BICC1: variants seen among roughly 807,000 people sequenced by gnomAD.
The protein encoded by BICC1 is protein bicaudal C homolog 1.
Under a neutral mutation model 111.0 loss-of-function variants are expected in BICC1, and 43 were observed. That is an observed-to-expected ratio of 0.39 (90% CI 0.30 to 0.50). BICC1 has a LOEUF of 0.50. BICC1 is among the 20% of genes least tolerant of loss of function. The pLI, the probability that BICC1 is intolerant of heterozygous loss-of-function variation, is 0.88. For missense variants in BICC1, 1,091 were observed against 1,203.2 expected (o/e 0.91, Z 1.38); for synonymous variants, 467 against 434.4 (o/e 1.07, Z -0.93).
intron 2 of BICC1, among the ~76,000 whole-genome samples, chr10:58,700,265 G>A (rs11006228): frequency 0.25 from 37,853 of 152,010 alleles, 5,732 homozygotes; most frequent in African/African-American, 0.43. Context: ...GGCAGCTGAA[G>A]TCTGAGCATG....
chr10:58,672,884 A>G (rs915944440), intron 2 of BICC1, among the ~76,000 whole-genome samples: 9 of 152,230 alleles, frequency 5.9e-5, no homozygotes, highest in African/African-American at 2.2e-4. Flanking sequence ...TGGAAAGTTT[A>G]GTGGTTTTTA....
chr10:58,572,449 A>G (rs181405211), intron 1 of BICC1, among the ~76,000 whole-genome samples: 1 of 152,274 alleles, frequency 6.6e-6, no homozygotes. Context: ...TCGAACTGAT[A>G]TGGACAAGCA....
intron 16 of BICC1, 148 bp from the exon 17 acceptor site, chr10:58,806,856 A>C: frequency 1.2e-6 from 1 of 832,646 alleles, no homozygotes; most frequent in South Asian, 2.0e-5. Flanking sequence ...AAAATATTTC[A>C]TTAAGATATT....
chr10:58,742,220 G>C (rs1841690436), intron 3 of BICC1, among the ~76,000 whole-genome samples: 1 of 152,014 alleles, frequency 6.6e-6, no homozygotes, highest in African/African-American at 2.4e-5. Flanking sequence ...CATTTTACTT[G>C]TGTATGTTTT....
At chr10:58,777,450 A>G (rs1355524049) in intron 3 of BICC1, among the ~76,000 whole-genome samples, 1 of 151,956 alleles carries the variant, frequency 6.6e-6, no homozygotes, top group Admixed American at 6.6e-5. Context: ...CTAGTTTTGA[A>G]TTTTCTCAAG....
chr10:58,513,731 GTC>G lies in BICC1; in HGVS notation c.190+405_190+406del, dbSNP rs544199405. 1.7e-3 allele frequency among the ~76,000 whole-genome samples: 265 copies of G among 152,318 alleles called. 2 individuals are homozygous for G. The highest frequency in any genetic ancestry group is 6.8e-3 in the Middle Eastern group (2 of 294). ...CCATTCCCTGGCAGCCTCGAGTTCT[GTC>G]TCTCTCCGTCTGTTTCACTCTCTCC... is the stretch of plus-strand genomic sequence containing the variant. On this transcript the variant is annotated intron_variant, in intron 1 of 20. Coordinates refer to ENST00000373886, the MANE Select transcript of BICC1 (RefSeq NM_001080512.3).
Position 58,828,818 on chromosome 10 carries a change from T to G in BICC1, c.2852T>G (p.Leu951Arg). Residue 951 changes from leucine to arginine, a missense_variant, in exon 21 of 21, where the codon CTG becomes CGG. Transcript: ENST00000373886. ...FESPNARTSF[L>R]EGGASGRLPR... ...TCGCCAAATGCACGCACCTCTTTCC[T>G]GGAAGGTGGAGCGAGTGGAAGGCTA... 1 of 1,613,938 alleles carries G rather than the reference T, an allele frequency of 6.2e-7. No homozygotes were observed. The highest frequency in any genetic ancestry group is 1.1e-5 in the South Asian group (1 of 91,080).
chr10:58,719,066 CTT>C (rs1346699516), intron 3 of BICC1, among the ~76,000 whole-genome samples: 1 of 152,090 alleles, frequency 6.6e-6, no homozygotes, highest in Non-Finnish European at 1.5e-5. Context: ...TCCATTTCTA[CTT>C]TGTCTCCATT....
At chr10:58,780,700 A>G (rs190657579) in intron 3 of BICC1, among the ~76,000 whole-genome samples, 65 of 152,322 alleles carry the variant, frequency 4.3e-4, no homozygotes, top group African/African-American at 1.5e-3. Flanking sequence ...GAATGTTTCC[A>G]AGGATGGAAA....
chr10:58,576,588 A>T (rs1244394684), intron 1 of BICC1, among the ~76,000 whole-genome samples: 1 of 152,080 alleles, frequency 6.6e-6, no homozygotes, highest in Non-Finnish European at 1.5e-5. Flanking sequence ...CCCATCCTCA[A>T]CTTCAGTTTA....
At chr10:58,673,418 C>T (rs911966949) in intron 2 of BICC1, among the ~76,000 whole-genome samples, 3 of 152,144 alleles carry the variant, frequency 2.0e-5, no homozygotes, top group African/African-American at 7.2e-5. Context: ...CTTAATTGGA[C>T]TCAGTTTTCT....
intron 11 of BICC1, 99 bp downstream of exon 11, chr10:58,798,659 T>G (rs1433349089): frequency 1.7e-6 from 2 of 1,164,798 alleles, no homozygotes; most frequent in African/African-American, 3.2e-5. Context: ...AAGGCAAAAT[T>G]AGGGTTCAAA....
intron 1 of BICC1, among the ~76,000 whole-genome samples, chr10:58,517,324 C>T (rs1842268020): frequency 6.6e-6 from 1 of 152,182 alleles, no homozygotes; most frequent in South Asian, 2.1e-4. Context: ...TCATTTGCTA[C>T]TGCTCGGTTG....
At chr10:58,799,910 A>G (rs1298016597) in intron 12 of BICC1, among the ~76,000 whole-genome samples, 1 of 152,242 alleles carries the variant, frequency 6.6e-6, no homozygotes, top group East Asian at 1.9e-4. Flanking sequence ...GTGTGATAGG[A>G]ATAGCATTGA....
At chr10:58,687,965 C>A (rs577488630) in intron 2 of BICC1, among the ~76,000 whole-genome samples, 1 of 152,104 alleles carries the variant, frequency 6.6e-6, no homozygotes, top group Non-Finnish European at 1.5e-5. Flanking sequence ...GGAGTTGTTC[C>A]TATTTGGCCA....
At chr10:58,640,804 A>G (rs1259312018) in intron 2 of BICC1, among the ~76,000 whole-genome samples, 1 of 152,216 alleles carries the variant, frequency 6.6e-6, no homozygotes, top group Non-Finnish European at 1.5e-5. Context: ...TGTCTACGAA[A>G]GAAACAACTT....
chr10:58,632,404 A>G (rs1837821879), intron 2 of BICC1, among the ~76,000 whole-genome samples: 1 of 152,154 alleles, frequency 6.6e-6, no homozygotes, highest in Non-Finnish European at 1.5e-5. Flanking sequence ...GGGTGGCCCT[A>G]TGGCTTCTCT....
At chr10:58,643,762 C>T (rs1838188743) in intron 2 of BICC1, among the ~76,000 whole-genome samples, 1 of 152,148 alleles carries the variant, frequency 6.6e-6, no homozygotes, top group Non-Finnish European at 1.5e-5. Flanking sequence ...GAAAAGGAAG[C>T]CTGACCATTT....
At chr10:58,607,435 C>A (rs1183844073) in intron 1 of BICC1, among the ~76,000 whole-genome samples, 12 of 151,724 alleles carry the variant, frequency 7.9e-5, no homozygotes, top group Non-Finnish European at 5.9e-5. Flanking sequence ...ATTATCCCAT[C>A]CTCCATTCTC....
Sources: allele counts gnomAD v4.1 joint callset (sites outside exome capture counted in the v4.1 genomes callset), GRCh38; gene constraint gnomAD v4.1.1; transcripts MANE v1.5; gene names NCBI Gene and HGNC (gene_info 2026-07-23, HGNC 2026-07-21).